ORC3: variants seen among roughly 807,000 people sequenced by gnomAD.
The protein encoded by ORC3 is origin recognition complex subunit 3.
ORC3 carries 78 observed loss-of-function variants against 100.7 expected under a neutral mutation model. The observed-to-expected ratio is 0.77, with a 90% CI of 0.65 to 0.94. ORC3 has a LOEUF of 0.94. ORC3 is among the 40% of genes least tolerant of loss of function. The pLI is 0.00. For synonymous variants in ORC3, 295 were observed against 289.3 expected, an observed-to-expected ratio of 1.02 and a Z score of -0.20; for missense variants, 789 against 823.9, an observed-to-expected ratio of 0.96 and a Z score of 0.52.
At chr6:87,676,383 G>A in the ORC3 span, among the ~76,000 whole-genome samples, 8 of 140,662 alleles carry the variant, frequency 5.7e-5, no homozygotes, top group African/African-American at 1.9e-4. Context: ...GGAGAATGGC[G>A]TGAACCCAGG....
chr6:87,621,311 G>A, intron 9 of ORC3, 43 bp from the exon 10 acceptor site: 2 of 1,418,386 alleles, frequency 1.4e-6, no homozygotes, highest in Non-Finnish European at 1.9e-6. Flanking sequence ...TAGATTTACT[G>A]CCAAAATATA....
chr6:87,629,187 A>G (rs1049870760), intron 11 of ORC3, among the ~76,000 whole-genome samples: 4 of 152,238 alleles, frequency 2.6e-5, no homozygotes, highest in Non-Finnish European at 4.4e-5. Context: ...CTTAGTTATA[A>G]CAAGATAATA....
intron 13 of ORC3, among the ~76,000 whole-genome samples, chr6:87,646,197 A>T (rs1360956628): frequency 1.3e-5 from 2 of 151,934 alleles, no homozygotes; most frequent in East Asian, 3.9e-4. Context: ...TGTGTTAGCC[A>T]GGATGGTCTC....
intron 1 of ORC3, among the ~76,000 whole-genome samples, chr6:87,593,489 A>G (rs1224104830): frequency 6.6e-6 from 1 of 152,238 alleles, no homozygotes; most frequent in East Asian, 1.9e-4. Flanking sequence ...ATTTCTGGCT[A>G]GAGAATTGTG....
intron 16 of ORC3, among the ~76,000 whole-genome samples, chr6:87,662,341 A>C (rs933405814): frequency 1.3e-5 from 2 of 152,122 alleles, no homozygotes; most frequent in Non-Finnish European, 2.9e-5. Flanking sequence ...CTGAGTCAGG[A>C]GACTCACTTG....
chr6:87,624,108 A>G (rs1469524251), intron 11 of ORC3, among the ~76,000 whole-genome samples: 1 of 152,168 alleles, frequency 6.6e-6, no homozygotes, highest in Non-Finnish European at 1.5e-5. Flanking sequence ...ATGAAAAAGC[A>G]CAGAGATTTG....
rs530713577 is a variant in ORC3, at chr6:87,665,901, G to GT, written c.2030+69dup. ...AAATATAAGTTTATAATTTCTCCAG[G>GT]TCTACACTAGATATTTATAAAGGCG... On this transcript the variant is annotated intron_variant, in intron 19 of 19. Transcript: ENST00000392844. 1.6e-4 allele frequency: 143 copies of GT among 905,262 alleles called. 1 individual carries two copies. In the African/African-American group the frequency reaches 2.2e-3, roughly 14 times the overall value. The allele number at this position is 905,262 out of a possible 1,614,324, so 56.1% of individuals were successfully genotyped here.
Position 87,609,119 on chromosome 6 carries a change from C to CA in ORC3, c.610dup (p.Arg204LysfsTer5). ...AGAAGACGGACCCAAAAATGCTAAG[C>CA]AAAAAAAGGACTACTTCTAGCCAAT... On this transcript the variant is annotated frameshift_variant, in exon 7 of 20. Transcript: ENST00000392844. LOFTEE classifies it high-confidence loss of function. 2 of 1,602,998 alleles carry CA rather than the reference C, an allele frequency of 1.2e-6. No homozygotes were observed. The highest frequency in any genetic ancestry group is 1.8e-5 in the Admixed American group (1 of 56,270).
chr6:87,651,973 G>A (rs926327074), intron 13 of ORC3, among the ~76,000 whole-genome samples: 1 of 149,804 alleles, frequency 6.7e-6, no homozygotes, highest in African/African-American at 2.5e-5. Context: ...ATCTCAGCTC[G>A]CTGCAACCTC....
chr6:87,594,451 A>G, intron 2 of ORC3, 44 bp downstream of exon 2: 1 of 1,482,438 alleles, frequency 6.7e-7, no homozygotes, highest in Non-Finnish European at 9.2e-7. Context: ...TACCTTCTTA[A>G]ACTATTAGGA....
At chr6:87,634,800 T>C in intron 11 of ORC3, 45 bp from the exon 12 acceptor site, 1 of 952,670 alleles carries the variant, frequency 1.0e-6, no homozygotes, top group South Asian at 1.3e-5. Flanking sequence ...TTATGCTCTT[T>C]TATTAGCTGA....
chr6:87,673,983 G>T, the ORC3 span, among the ~76,000 whole-genome samples: 11 of 152,058 alleles, frequency 7.2e-5, no homozygotes, highest in East Asian at 1.9e-4. Context: ...TTTAAACAGA[G>T]AATTGGTGAA....
intron 9 of ORC3, among the ~76,000 whole-genome samples, chr6:87,616,631 G>A (rs1702236194): frequency 6.6e-6 from 1 of 152,054 alleles, no homozygotes; most frequent in African/African-American, 2.4e-5. Flanking sequence ...ATCAATAATG[G>A]GAAAAGACTT....
chr6:87,596,448 G>GT (rs34256004), intron 2 of ORC3, among the ~76,000 whole-genome samples: 67,504 of 144,124 alleles, frequency 0.47, 15,472 homozygotes, highest in Admixed American at 0.54. Flanking sequence ...TTTTTTTGTT[G>GT]TTTTTTTTTT....
rs756189264 is a variant in ORC3, at chr6:87,653,156, T to A, written c.1423T>A (p.Cys475Ser). The change falls in exon 14 of 20, where the codon TGT becomes AGT. Residue 475 changes from cysteine to serine, a missense_variant. By Grantham distance (112) the Cys-to-Ser change is moderately radical. Coordinates refer to ENST00000392844, the MANE Select transcript of ORC3 (RefSeq NM_012381.4). ...KDELMTILEK[C>S]FKVFKSYCEN... Reference sequence around the variant, plus strand: ...TGAACTGATGACCATACTTGAGAAATGTTTCAAGGTTTTTAAGTCTTATTG... The same window carrying A: ...TGAACTGATGACCATACTTGAGAAAAGTTTCAAGGTTTTTAAGTCTTATTG... 8 of 1,613,504 alleles carry A rather than the reference T, an allele frequency of 5.0e-6. No individual in the cohort carries two copies. The East Asian group carries it at 1.8e-4, about 36-fold the overall frequency.
At chr6:87,640,075 C>T (rs747495790) in intron 13 of ORC3, among the ~76,000 whole-genome samples, 12 of 152,060 alleles carry the variant, frequency 7.9e-5, no homozygotes, top group African/African-American at 1.2e-4. Context: ...CAGTGTGTCA[C>T]GCCTCATGCC....
chr6:87,653,022 G>T, intron 13 of ORC3, 94 bp from the exon 14 acceptor site: 1 of 970,886 alleles, frequency 1.0e-6, no homozygotes. Flanking sequence ...TTTATCTTCT[G>T]AGCGGAAACA....
At chr6:87,648,044 A>G (rs771886149) in intron 13 of ORC3, among the ~76,000 whole-genome samples, 12 of 152,138 alleles carry the variant, frequency 7.9e-5, no homozygotes, top group Non-Finnish European at 1.6e-4. Flanking sequence ...TACTAAAAAT[A>G]CAAAAAATTA....
At chr6:87,653,453 G>A (rs1769433037) in intron 14 of ORC3, among the ~76,000 whole-genome samples, 2 of 152,184 alleles carry the variant, frequency 1.3e-5, no homozygotes, top group African/African-American at 4.8e-5. Context: ...TTAAACAATG[G>A]AGAGCATCAA....
Sources: gnomAD v4.1 joint callset for allele counts (sites outside exome capture counted in the v4.1 genomes callset) on GRCh38, gnomAD v4.1.1 for gene constraint, MANE v1.5 for transcripts, NCBI Gene and HGNC (gene_info 2026-07-23, HGNC 2026-07-21) for gene names.